The following COX10 variants were observed in gnomAD, a reference collection of about 807,000 sequenced individuals.
COX10 encodes cytochrome c oxidase assembly factor heme A:farnesyltransferase COX10, also known as protoheme IX farnesyltransferase, mitochondrial.
COX10 carries 27 observed loss-of-function variants against 37.3 expected under a neutral mutation model. That is an observed-to-expected ratio of 0.72 (90% CI 0.53 to 1.00). The LOEUF is 1.00. Among genes scored for constraint, COX10 ranks in the 50% least tolerant of loss-of-function variants. COX10 has a pLI of 0.00. For synonymous variants in COX10, 222 were observed against 229.1 expected (o/e 0.97, Z 0.28); for missense variants, 475 against 563.2 (o/e 0.84, Z 1.59).
intron 6 of COX10, among the ~76,000 whole-genome samples, chr17:14,196,875 C>T (rs1906383865): frequency 6.6e-6 from 1 of 152,178 alleles, no homozygotes; most frequent in South Asian, 2.1e-4. Context: ...TTTGAAGACG[C>T]AGCTTGTTAA....
At chr17:14,075,543 T>C (rs1342398726) in intron 2 of COX10, among the ~76,000 whole-genome samples, 2 of 152,198 alleles carry the variant, frequency 1.3e-5, no homozygotes, top group Non-Finnish European at 2.9e-5. Context: ...ATGATCTATC[T>C]TCTTTGACAA....
intron 4 of COX10, 77 bp downstream of exon 4, chr17:14,102,319 C>A (rs188420705): frequency 6.5e-6 from 10 of 1,543,852 alleles, no homozygotes; most frequent in African/African-American, 6.4e-5. Flanking sequence ...TTTTTAAATA[C>A]CTTCCAAACT....
At chr17:14,189,319 C>T (rs1303952878) in intron 5 of COX10, among the ~76,000 whole-genome samples, 1 of 152,152 alleles carries the variant, frequency 6.6e-6, no homozygotes, top group Non-Finnish European at 1.5e-5. Context: ...TAAATCAGGG[C>T]ATGAAAAAGA....
chr17:14,124,670 C>G (rs1014308271), intron 4 of COX10, among the ~76,000 whole-genome samples: 4 of 152,026 alleles, frequency 2.6e-5, no homozygotes, highest in African/African-American at 9.7e-5. Flanking sequence ...ATGTTCTTGC[C>G]CTCGATGGTC....
chr17:14,125,990 T>C (rs1916334865), intron 4 of COX10, among the ~76,000 whole-genome samples: 1 of 152,128 alleles, frequency 6.6e-6, no homozygotes, highest in Admixed American at 6.6e-5. Context: ...ATTAAAGTGT[T>C]TGCCACGGAG....
chr17:14,119,774 G>A (rs1916191464), intron 4 of COX10, among the ~76,000 whole-genome samples: 1 of 152,152 alleles, frequency 6.6e-6, no homozygotes, highest in South Asian at 2.1e-4. Context: ...AGAAAGGAGA[G>A]TGTTGAGTGA....
intron 4 of COX10, among the ~76,000 whole-genome samples, chr17:14,159,205 C>T (rs1905120267): frequency 6.6e-6 from 1 of 152,176 alleles, no homozygotes; most frequent in African/African-American, 2.4e-5. Flanking sequence ...TGATTACCTT[C>T]ATTGCAGTAT....
intron 4 of COX10, among the ~76,000 whole-genome samples, chr17:14,140,209 G>T (rs1045709566): frequency 1.3e-5 from 2 of 152,072 alleles, no homozygotes; most frequent in Non-Finnish European, 2.9e-5. Flanking sequence ...ATTTGTTTAT[G>T]ATTCATCTCC....
At chr17:14,104,142 T>A (rs1343799428) in intron 4 of COX10, among the ~76,000 whole-genome samples, 1 of 152,102 alleles carries the variant, frequency 6.6e-6, no homozygotes, top group Non-Finnish European at 1.5e-5. Context: ...AATTTCTCCA[T>A]CTTTTTGTAC....
At chr17:14,206,700 G>A in intron 6 of COX10, 110 bp from the exon 7 acceptor site, 1 of 1,373,772 alleles carries the variant, frequency 7.3e-7, no homozygotes, top group African/African-American at 1.4e-5. Context: ...GCACAGGGTG[G>A]CAGAGCTTCT....
intron 5 of COX10, chr17:14,179,408 TC>T (rs1905787968): frequency 6.1e-6 from 1 of 165,102 alleles, no homozygotes; most frequent in Non-Finnish European, 1.3e-5. Context: ...TTTCTTCAAT[TC>T]CTCAAGAGTG....
chr17:14,074,348 T>C lies in COX10; in HGVS notation c.69T>C (p.Tyr23=). ...LTGCVGGSVW[Y]LERRTIQDSP... Reference sequence around the variant, plus strand: ...GTTGCGTAGGAGGCTCTGTCTGGTATCTTGAAAGAAGAACTATACAGGACT... The same window carrying C: ...GTTGCGTAGGAGGCTCTGTCTGGTACCTTGAAAGAAGAACTATACAGGACT... The change falls in exon 2 of 7, where the codon TAT becomes TAC. Residue 23 remains tyrosine (Y), a synonymous_variant. Transcript: ENST00000261643. 2.5e-6 allele frequency: 4 copies of C among 1,614,102 alleles called. No homozygotes were observed. The highest frequency in any genetic ancestry group is 3.4e-6 in the Non-Finnish European group (4 of 1,179,968).
intron 5 of COX10, among the ~76,000 whole-genome samples, chr17:14,181,168 C>T (rs573923074): frequency 3.5e-4 from 54 of 152,254 alleles, no homozygotes; most frequent in Middle Eastern, 3.4e-3. Context: ...TAAGAGATGG[C>T]CATACAAAAG....
chr17:14,087,267 C>T (rs971808248), intron 3 of COX10, among the ~76,000 whole-genome samples: 1 of 152,130 alleles, frequency 6.6e-6, no homozygotes, highest in Non-Finnish European at 1.5e-5. Context: ...GCCTCTTATT[C>T]TTCCATGCTA....
At chr17:14,190,935 G>A (rs146660709) in intron 5 of COX10, among the ~76,000 whole-genome samples, 164 of 152,200 alleles carry the variant, frequency 1.1e-3, no homozygotes, top group African/African-American at 3.8e-3. Flanking sequence ...TAAAACCAGA[G>A]CACTCTAGAA....
intron 4 of COX10, among the ~76,000 whole-genome samples, chr17:14,128,896 G>C (rs1292583252): frequency 1.3e-5 from 2 of 152,234 alleles, no homozygotes; most frequent in African/African-American, 4.8e-5. Context: ...GCCCAGGCGA[G>C]AGTGCAGTGG....
chr17:14,108,846 G>A (rs1915953553), intron 4 of COX10, among the ~76,000 whole-genome samples: 1 of 151,950 alleles, frequency 6.6e-6, no homozygotes, highest in African/African-American at 2.4e-5. Flanking sequence ...CCTTTTCTCT[G>A]ATGTTTCTTG....
chr17:14,131,005 G>A (rs895491625), intron 4 of COX10, among the ~76,000 whole-genome samples: 5 of 152,122 alleles, frequency 3.3e-5, no homozygotes, highest in African/African-American at 4.8e-5. Context: ...AAGGCACCTA[G>A]TTCACCACTA....
chr17:14,172,887 C>A (rs1905525575), intron 5 of COX10, among the ~76,000 whole-genome samples: 1 of 152,056 alleles, frequency 6.6e-6, no homozygotes, highest in Admixed American at 6.6e-5. Flanking sequence ...GACACAGTGT[C>A]TCACTATGTT....
Sources: allele counts gnomAD v4.1 joint callset (sites outside exome capture counted in the v4.1 genomes callset), GRCh38; gene constraint gnomAD v4.1.1; transcripts MANE v1.5; gene names NCBI Gene and HGNC (gene_info 2026-07-23, HGNC 2026-07-21).